HS6ST3: variants seen among roughly 807,000 people sequenced by gnomAD.
HS6ST3 encodes the protein heparan-sulfate 6-O-sulfotransferase 3.
HS6ST3 carries 12 observed loss-of-function variants against 36.7 expected under a neutral mutation model. That is an observed-to-expected ratio of 0.33 (90% CI 0.21 to 0.53). HS6ST3 has a LOEUF of 0.53. Among genes scored for constraint, HS6ST3 ranks in the 20% least tolerant of loss-of-function variants. The pLI is 0.95. For synonymous variants in HS6ST3, 240 were observed against 257.5 expected (o/e 0.93, Z 0.65); for missense variants, 584 against 640.9 (o/e 0.91, Z 0.96).
At chr13:96,810,794 C>T (rs1878301443) in intron 1 of HS6ST3, among the ~76,000 whole-genome samples, 1 of 152,130 alleles carries the variant, frequency 6.6e-6, no homozygotes, top group Admixed American at 6.5e-5. Context: ...TCTACTTTGC[C>T]TTTGCAGAAT....
At chr13:96,526,023 G>A in intron 1 of HS6ST3, among the ~76,000 whole-genome samples, 1 of 152,236 alleles carries the variant, frequency 6.6e-6, no homozygotes, top group East Asian at 1.9e-4. Context: ...AAGGTTTTCA[G>A]TAGGTTACTG....
intron 1 of HS6ST3, among the ~76,000 whole-genome samples, chr13:96,200,643 A>G (rs1026273314): frequency 1.3e-5 from 2 of 151,974 alleles, no homozygotes; most frequent in African/African-American, 4.8e-5. Flanking sequence ...CCCATTTGTT[A>G]TATCTGTTGC....
chr13:96,213,902 C>A (rs968477664), intron 1 of HS6ST3, among the ~76,000 whole-genome samples: 1 of 152,076 alleles, frequency 6.6e-6, no homozygotes, highest in Admixed American at 6.6e-5. Flanking sequence ...TAATGGAGTT[C>A]TTTACTCTGT....
intron 1 of HS6ST3, among the ~76,000 whole-genome samples, chr13:96,312,646 C>A (rs1046711497): frequency 6.6e-6 from 1 of 151,986 alleles, no homozygotes; most frequent in African/African-American, 2.4e-5. Context: ...GCTGTATATG[C>A]ATTTAGAATA....
chr13:96,231,172 G>A (rs1363013219), intron 1 of HS6ST3, among the ~76,000 whole-genome samples: 1 of 152,148 alleles, frequency 6.6e-6, no homozygotes, highest in Non-Finnish European at 1.5e-5. Flanking sequence ...AGTGGGACCA[G>A]TACAGAGCTC....
chr13:96,690,358 A>G (rs1346715668), intron 1 of HS6ST3, among the ~76,000 whole-genome samples: 2 of 152,146 alleles, frequency 1.3e-5, no homozygotes, highest in Admixed American at 1.3e-4. Flanking sequence ...AATGTAATCA[A>G]GTCATCCTTG....
chr13:96,179,120 A>G (rs920915644), intron 1 of HS6ST3, among the ~76,000 whole-genome samples: 4 of 152,234 alleles, frequency 2.6e-5, no homozygotes, highest in Non-Finnish European at 4.4e-5. Context: ...TGGTTGGTAT[A>G]AAGTTAAATG....
At chr13:96,582,461 C>CCCAA (rs975945925) in intron 1 of HS6ST3, among the ~76,000 whole-genome samples, 3 of 152,264 alleles carry the variant, frequency 2.0e-5, no homozygotes, top group Middle Eastern at 6.8e-3. Flanking sequence ...AGAAGCCTAT[C>CCCAA]CCAAGATCTT....
intron 1 of HS6ST3, among the ~76,000 whole-genome samples, chr13:96,100,100 A>G (rs2053810688): frequency 1.3e-5 from 2 of 152,274 alleles, no homozygotes; most frequent in South Asian, 4.1e-4. Flanking sequence ...AAAATAGTCA[A>G]GGTAAAGAAT....
chr13:96,709,731 ATGT>A (rs1460706554), intron 1 of HS6ST3, among the ~76,000 whole-genome samples: 1 of 152,190 alleles, frequency 6.6e-6, no homozygotes, highest in Non-Finnish European at 1.5e-5. Context: ...TGAGAAATAA[ATGT>A]TGTTGCTTCA....
intron 1 of HS6ST3, among the ~76,000 whole-genome samples, chr13:96,622,271 A>T (rs2056497908): frequency 6.6e-6 from 1 of 152,084 alleles, no homozygotes; most frequent in Admixed American, 6.6e-5. Context: ...AAGTATCTTG[A>T]GTAAAAAAAG....
chr13:96,383,739 G>C (rs2055353706), intron 1 of HS6ST3, among the ~76,000 whole-genome samples: 1 of 152,180 alleles, frequency 6.6e-6, no homozygotes, highest in African/African-American at 2.4e-5. Context: ...ATAGAGGAAG[G>C]GGTTAGTTTT....
At chr13:96,135,228 T>G (rs1194558289) in intron 1 of HS6ST3, among the ~76,000 whole-genome samples, 1 of 151,886 alleles carries the variant, frequency 6.6e-6, no homozygotes, top group Non-Finnish European at 1.5e-5. Flanking sequence ...TGTGTTGATC[T>G]TCTTCCTTCA....
At chr13:96,265,612 A>T (rs1028855095) in intron 1 of HS6ST3, among the ~76,000 whole-genome samples, 4 of 152,174 alleles carry the variant, frequency 2.6e-5, no homozygotes, top group Admixed American at 2.6e-4. Context: ...CAAAAGAAGG[A>T]AAGCTTTATG....
At chr13:96,411,202 GC>G (rs1160932469) in intron 1 of HS6ST3, among the ~76,000 whole-genome samples, 1 of 152,152 alleles carries the variant, frequency 6.6e-6, no homozygotes, top group African/African-American at 2.4e-5. Context: ...TAACCTCTTA[GC>G]CACCCCCACA....
At chr13:96,307,125 TCA>T (rs1179442279) in intron 1 of HS6ST3, among the ~76,000 whole-genome samples, 2 of 152,186 alleles carry the variant, frequency 1.3e-5, no homozygotes, top group African/African-American at 2.4e-5. Flanking sequence ...TCTTCTACAT[TCA>T]GTTAGTCTAG....
At chr13:96,358,667 T>C (rs1326243070) in intron 1 of HS6ST3, among the ~76,000 whole-genome samples, 5 of 152,028 alleles carry the variant, frequency 3.3e-5, no homozygotes, top group East Asian at 1.9e-4. Flanking sequence ...CTATAAATGA[T>C]ATTTGGGGGC....
chr13:96,195,689 C>T (rs1246906123), intron 1 of HS6ST3, among the ~76,000 whole-genome samples: 1 of 152,142 alleles, frequency 6.6e-6, no homozygotes, highest in African/African-American at 2.4e-5. Context: ...CAAGCATTTG[C>T]TGTAGAGCCA....
At chr13:96,149,952 C>T (rs1388574819) in intron 1 of HS6ST3, among the ~76,000 whole-genome samples, 2 of 152,112 alleles carry the variant, frequency 1.3e-5, no homozygotes, top group Admixed American at 6.5e-5. Flanking sequence ...GGTGGTGTTA[C>T]GGCATCTTTG....
Sources: gnomAD v4.1 joint callset for allele counts (sites outside exome capture counted in the v4.1 genomes callset) on GRCh38, gnomAD v4.1.1 for gene constraint, MANE v1.5 for transcripts, NCBI Gene and HGNC (gene_info 2026-07-23, HGNC 2026-07-21) for gene names.